Variants in CHST9 observed in about 807,000 individuals in gnomAD.
CHST9 encodes the protein GalNAc-4-sulfotransferase 2.
In CHST9, 41 loss-of-function variants were observed where a neutral mutation model predicts 44.4. The ratio of observed to expected loss-of-function variants is 0.92; its 90% confidence interval spans 0.72 to 1.20. The LOEUF is 1.20. Ranked by LOEUF, CHST9 falls within the 50% of genes most tolerant of loss-of-function variation. The probability of loss-of-function intolerance (pLI) is 0.00; values close to 1 mark genes in which losing one functional copy is unlikely to be tolerated. For synonymous variants in CHST9, 171 were observed against 178.4 expected (o/e 0.96, Z 0.33); for missense variants, 504 against 516.5 (o/e 0.98, Z 0.23).
At chr18:26,939,949 G>A (rs1240525852) in intron 5 of CHST9, among the ~76,000 whole-genome samples, 2 of 152,108 alleles carry the variant, frequency 1.3e-5, no homozygotes, top group African/African-American at 4.8e-5. Context: ...CCCTCCCCAA[G>A]CAGAGGGGAA....
intron 4 of CHST9, 104 bp from the exon 5 acceptor site, chr18:26,944,470 G>A (rs2056132712): frequency 1.3e-6 from 1 of 789,304 alleles, no homozygotes; most frequent in Admixed American, 2.1e-5. Flanking sequence ...AAGTGGTCAT[G>A]GACTCTCTGA....
chr18:27,143,038 T>A, intron 1 of CHST9, 133 bp from the exon 2 acceptor site: 1 of 325,338 alleles, frequency 3.1e-6, no homozygotes. Flanking sequence ...CAGAAAAGAC[T>A]GTAGTAGGTG....
At chr18:26,922,226 A>G (rs1200055882) in intron 5 of CHST9, among the ~76,000 whole-genome samples, 1 of 152,074 alleles carries the variant, frequency 6.6e-6, no homozygotes, top group Non-Finnish European at 1.5e-5. Context: ...GGCAGCCCCA[A>G]CTCATGGTCT....
intron 4 of CHST9, among the ~76,000 whole-genome samples, chr18:27,008,873 T>G (rs897232149): frequency 3.3e-5 from 5 of 151,990 alleles, no homozygotes; most frequent in Admixed American, 6.6e-5. Flanking sequence ...TGAGACAGGA[T>G]TGCAGCAGGT....
chr18:27,016,876 G>C (rs2057161559), intron 4 of CHST9, among the ~76,000 whole-genome samples: 1 of 152,030 alleles, frequency 6.6e-6, no homozygotes, highest in African/African-American at 2.4e-5. Context: ...AATATTATTA[G>C]GAGAGTTTCA....
At chr18:26,951,285 G>A (rs2056244216) in intron 4 of CHST9, among the ~76,000 whole-genome samples, 1 of 152,182 alleles carries the variant, frequency 6.6e-6, no homozygotes, top group Non-Finnish European at 1.5e-5. Flanking sequence ...TTTGCAGTGA[G>A]ACTCACTAAT....
intron 4 of CHST9, among the ~76,000 whole-genome samples, chr18:26,993,148 G>A (rs923466191): frequency 3.3e-5 from 5 of 152,128 alleles, no homozygotes; most frequent in Non-Finnish European, 7.4e-5. Context: ...CCAGTCTCTC[G>A]TAAATTCTAG....
chr18:27,083,671 T>C (rs1464749964), intron 2 of CHST9, among the ~76,000 whole-genome samples: 3 of 152,124 alleles, frequency 2.0e-5, no homozygotes, highest in Admixed American at 2.0e-4. Context: ...TTATTCCAAA[T>C]TGGGTGAATA....
chr18:26,936,898 A>G (rs2056002812), intron 5 of CHST9, among the ~76,000 whole-genome samples: 1 of 152,164 alleles, frequency 6.6e-6, no homozygotes, highest in African/African-American at 2.4e-5. Flanking sequence ...ATTTTTCATA[A>G]ATGGTACATT....
At chr18:27,045,401 C>T (rs1447570627) in intron 3 of CHST9, among the ~76,000 whole-genome samples, 1 of 151,936 alleles carries the variant, frequency 6.6e-6, no homozygotes, top group Non-Finnish European at 1.5e-5. Flanking sequence ...TCGAGAATTC[C>T]ATGGCCCACA....
chr18:27,064,411 C>T (rs190006199), intron 2 of CHST9, among the ~76,000 whole-genome samples: 5 of 152,178 alleles, frequency 3.3e-5, no homozygotes, highest in South Asian at 2.1e-4. Context: ...CACTCTGTTC[C>T]GCACGCATCA....
Position 27,030,607 on chromosome 18 carries a change from C to T in CHST9, c.161-6450G>A, listed in dbSNP as rs550124156. Among the ~76,000 whole-genome samples the T allele has an allele frequency of 2.0e-5, 3 of 152,350 alleles. No individual in the cohort carries two copies. The South Asian group carries it at 6.2e-4, about 32-fold the overall frequency. ...GCGGAGGCAGCTTCCTGTGCACTGC[C>T]GGCTGCCGGGTGTGCTTGTCCATGT... On this transcript the variant is annotated intron_variant, in intron 3 of 5. Transcript: ENST00000618847.
intron 2 of CHST9, among the ~76,000 whole-genome samples, chr18:27,075,388 A>C (rs1489000758): frequency 6.6e-6 from 1 of 152,160 alleles, no homozygotes; most frequent in Non-Finnish European, 1.5e-5. Context: ...GTTTTCAGAT[A>C]GATACCAAAG....
intron 4 of CHST9, among the ~76,000 whole-genome samples, chr18:27,002,798 T>C (rs1289070968): frequency 6.6e-6 from 1 of 152,006 alleles, no homozygotes; most frequent in Non-Finnish European, 1.5e-5. Flanking sequence ...CTAGGAAAAA[T>C]GTTAAGAAAT....
At chr18:27,148,892 T>C (rs1419924575) in intron 1 of CHST9, among the ~76,000 whole-genome samples, 1 of 140,112 alleles carries the variant, frequency 7.1e-6, no homozygotes, top group African/African-American at 2.6e-5. Context: ...AAAGTGTTCC[T>C]GTTTCTCCAC....
intron 4 of CHST9, among the ~76,000 whole-genome samples, chr18:26,975,723 GTGTATATATATATATA>G (rs1235032214): frequency 1.0e-4 from 6 of 59,356 alleles, no homozygotes; most frequent in African/African-American, 1.3e-4. Flanking sequence ...GTGTGTGTGT[GTGTATATATATATATA>G]TATATATATA....
At chr18:26,998,431 C>T (rs2056910382) in intron 4 of CHST9, among the ~76,000 whole-genome samples, 1 of 152,096 alleles carries the variant, frequency 6.6e-6, no homozygotes, top group Non-Finnish European at 1.5e-5. Context: ...AGAGTATAAA[C>T]ATATCCAGAT....
intron 2 of CHST9, among the ~76,000 whole-genome samples, chr18:27,112,631 T>TTA (rs2058282659): frequency 2.7e-5 from 4 of 149,836 alleles, no homozygotes; most frequent in African/African-American, 4.9e-5. Context: ...TACATATATA[T>TTA]TATATATATA....
chr18:27,043,493 G>C (rs1224670220), intron 3 of CHST9, among the ~76,000 whole-genome samples: 1 of 151,962 alleles, frequency 6.6e-6, no homozygotes, highest in East Asian at 1.9e-4. Flanking sequence ...CTTCTCTAAG[G>C]TGGGAAACCT....
Sources: gnomAD v4.1 joint callset for allele counts (sites outside exome capture counted in the v4.1 genomes callset) on GRCh38, gnomAD v4.1.1 for gene constraint, MANE v1.5 for transcripts, NCBI Gene and HGNC (gene_info 2026-07-23, HGNC 2026-07-21) for gene names.